The following LIPT1 variants were observed in gnomAD, a reference collection of about 807,000 sequenced individuals.
LIPT1 encodes lipoyl amidotransferase LIPT1, mitochondrial.
In LIPT1, 22 loss-of-function variants were observed where a neutral mutation model predicts 25.1. That is an observed-to-expected ratio of 0.88 (90% CI 0.63 to 1.25). LIPT1 has a LOEUF of 1.25. Among genes scored for constraint, LIPT1 ranks in the 50% most tolerant of loss-of-function variants. The pLI is 0.00. For synonymous variants in LIPT1, 131 were observed against 150.8 expected (o/e 0.87, Z 0.96); for missense variants, 399 against 432.8 (o/e 0.92, Z 0.69).
At chr2:99,161,807 G>A in intron 1 of LIPT1, 150 bp from the exon 2 acceptor site, 1 of 592,246 alleles carries the variant, frequency 1.7e-6, no homozygotes, top group East Asian at 2.8e-5. Flanking sequence ...TTATAGCATT[G>A]CTAAAGACTA....
At chr2:99,156,627 G>A (rs2093757074) in intron 1 of LIPT1, 1 of 152,086 alleles carries the variant, frequency 6.6e-6, no homozygotes, top group African/African-American at 2.4e-5. Flanking sequence ...TGATTCCCAA[G>A]TGCTAAGAAC....
At chr2:99,155,498 C>A (rs1255940270) in intron 1 of LIPT1, 1 of 455,966 alleles carries the variant, frequency 2.2e-6, no homozygotes, top group Non-Finnish European at 4.4e-6. Flanking sequence ...GATGGGGAGC[C>A]GTGTTTGGCA....
intron 1 of LIPT1, among the ~76,000 whole-genome samples, chr2:99,160,991 C>T (rs1281619902): frequency 1.3e-5 from 2 of 151,728 alleles, no homozygotes; most frequent in East Asian, 1.9e-4. Flanking sequence ...TGGGCCAACG[C>T]GGTGGCTCAT....
At chr2:99,161,062 C>G (rs1400323585) in intron 1 of LIPT1, among the ~76,000 whole-genome samples, 1 of 149,876 alleles carries the variant, frequency 6.7e-6, no homozygotes, top group African/African-American at 2.5e-5. Flanking sequence ...TCAGGAGTTC[C>G]AAGACCAGCA....
intron 1 of LIPT1, among the ~76,000 whole-genome samples, chr2:99,158,965 G>T (rs779251949): frequency 6.6e-6 from 1 of 152,024 alleles, no homozygotes; most frequent in Non-Finnish European, 1.5e-5. Context: ...GTCTTGCTCT[G>T]TCGCCCAGGC....
At chr2:99,156,603 A>G (rs1194096203) in intron 1 of LIPT1, 1 of 152,090 alleles carries the variant, frequency 6.6e-6, no homozygotes, top group African/African-American at 2.4e-5. Flanking sequence ...ACCTTTATTC[A>G]TTTGACTCAC....
intron 1 of LIPT1, chr2:99,156,668 G>A (rs2105184619): frequency 6.6e-6 from 1 of 152,280 alleles, no homozygotes; most frequent in African/African-American, 2.4e-5. Flanking sequence ...TGAAAACTTT[G>A]TTGAATTAAT....
intron 1 of LIPT1, among the ~76,000 whole-genome samples, chr2:99,155,921 T>G (rs1168034808): frequency 6.6e-6 from 1 of 152,242 alleles, no homozygotes. Flanking sequence ...CCAAGCAAAC[T>G]TAAGAGTTGG....
At chr2:99,157,079 T>G (rs2093761011) in intron 1 of LIPT1, among the ~76,000 whole-genome samples, 1 of 152,232 alleles carries the variant, frequency 6.6e-6, no homozygotes, top group South Asian at 2.1e-4. Flanking sequence ...AGCTAGAGGT[T>G]AAACCACTTC....
intron 1 of LIPT1, chr2:99,161,323 T>TATATATAA (rs2093790412): frequency 1.0e-5 from 1 of 98,114 alleles, no homozygotes; most frequent in African/African-American, 4.1e-5. Context: ...TATATATATA[T>TATATATAA]ATATATATAT....
chr2:99,160,300 T>C (rs2093778388), intron 1 of LIPT1, among the ~76,000 whole-genome samples: 1 of 152,056 alleles, frequency 6.6e-6, no homozygotes, highest in Admixed American at 6.6e-5. Context: ...CCCAGCTGCT[T>C]CAGAGGCTGA....
At chr2:99,159,634 T>G (rs946474351) in intron 1 of LIPT1, among the ~76,000 whole-genome samples, 4 of 152,242 alleles carry the variant, frequency 2.6e-5, no homozygotes, top group Non-Finnish European at 5.9e-5. Context: ...CATGAATTTA[T>G]CTCCTCCCAT....
intron 1 of LIPT1, among the ~76,000 whole-genome samples, chr2:99,158,998 G>A (rs775776610): frequency 5.3e-5 from 8 of 151,952 alleles, no homozygotes; most frequent in Non-Finnish European, 8.8e-5. Flanking sequence ...GCACGATCTC[G>A]GCTCACTGCA....
rs116555728 is a variant in LIPT1, at chr2:99,157,711, T to C, written c.-2+2660T>C. 3.3e-3 allele frequency among the ~76,000 whole-genome samples: 503 copies of C among 152,340 alleles called. 2 individuals carry two copies. The highest frequency in any genetic ancestry group is 0.011 in the African/African-American group (476 of 41,570). On this transcript the variant is annotated intron_variant, in intron 1 of 1. Coordinates refer to ENST00000651691, the MANE Select transcript of LIPT1 (RefSeq NM_145199.3). ...CCTTTTCTTCTATCCTCAGCTTCCTTTGGGAGCTCTCCCTCCTTCTTCTGT... is the reference window on the plus strand; with the variant it reads ...CCTTTTCTTCTATCCTCAGCTTCCTCTGGGAGCTCTCCCTCCTTCTTCTGT...
intron 1 of LIPT1, among the ~76,000 whole-genome samples, chr2:99,157,997 C>A (rs373321404): frequency 6.6e-6 from 1 of 152,200 alleles, no homozygotes; most frequent in South Asian, 2.1e-4. Context: ...TGTGTACTTT[C>A]TTCAGTGCCA....
intron 1 of LIPT1, among the ~76,000 whole-genome samples, chr2:99,157,852 C>T (rs1223086282): frequency 6.6e-6 from 1 of 152,164 alleles, no homozygotes; most frequent in Non-Finnish European, 1.5e-5. Flanking sequence ...CCGTTGGCCG[C>T]TAGTTCAACA....
At chr2:99,161,329 T>A (rs2093790623) in intron 1 of LIPT1, 2 of 100,668 alleles carry the variant, frequency 2.0e-5, no homozygotes, top group African/African-American at 4.1e-5. Flanking sequence ...TATATATATA[T>A]ATATATATAG....
Position 99,162,188 on chromosome 2 carries a change from T to G in LIPT1, c.231T>G (p.His77Gln), listed in dbSNP as rs1232107390. The change falls in exon 2 of 2, where the codon CAT becomes CAG. Residue 77 changes from histidine (H) to glutamine (Q), a missense_variant. Coordinates refer to ENST00000651691, the MANE Select transcript of LIPT1 (RefSeq NM_145199.3). ...CTCCCTCTGTTGTAATTGGTAGGCA[T>G]CAAAATCCTTGGCAGGAATGTAACC... ...QNSPSVVIGR[H>Q]QNPWQECNLN... The G allele has an allele frequency of 1.2e-6, 2 of 1,614,080 alleles. No individual in the cohort carries two copies. Among genetic ancestry groups the G allele is most frequent in the South Asian group, 1.1e-5 (1 of 91,074 alleles).
Position 99,162,465 on chromosome 2 carries a change from G to A in LIPT1, c.508G>A (p.Gly170Ser), listed in dbSNP as rs1057524480. The change falls in exon 2 of 2, where the codon GGC (glycine) becomes AGC (serine). Residue 170 changes from glycine to serine, a missense_variant. Transcript: ENST00000651691. ...FKISGTASKI[G>S]RTTAYHHCTL... ...AATCTCAGGAACAGCTTCTAAGATC[G>A]GCCGGACTACTGCCTATCACCATTG... is the stretch of plus-strand genomic sequence containing the variant. 1.1e-5 allele frequency: 18 copies of A among 1,613,840 alleles called. No homozygotes were observed. The highest frequency in any genetic ancestry group is 3.3e-4 in the Middle Eastern group (2 of 6,084).
Sources: gnomAD v4.1 joint callset for allele counts (sites outside exome capture counted in the v4.1 genomes callset) on GRCh38, gnomAD v4.1.1 for gene constraint, MANE v1.5 for transcripts, NCBI Gene and HGNC (gene_info 2026-07-23, HGNC 2026-07-21) for gene names.